The following THUMPD2 variants were observed in gnomAD, a reference collection of about 807,000 sequenced individuals.
The protein encoded by THUMPD2 is U6 snRNA (guanine-N(2))-methyltransferase THUMPD2.
A neutral mutation model predicts 49.4 loss-of-function variants in THUMPD2; 56 were observed. The observed-to-expected ratio is 1.13, with a 90% CI of 0.91 to 1.41. The LOEUF (loss-of-function observed/expected upper bound fraction) is 1.41, where lower values mean the gene tolerates loss of function less well. Ranked by LOEUF, THUMPD2 falls within the 40% of genes most tolerant of loss-of-function variation. The pLI is 0.00. For synonymous variants in THUMPD2, 237 were observed against 205.2 expected (o/e 1.15, Z -1.32); for missense variants, 709 against 594.5 (o/e 1.19, Z -2.00).
intron 1 of THUMPD2, among the ~76,000 whole-genome samples, chr2:39,776,864 C>G (rs968040517): frequency 1.3e-5 from 2 of 152,206 alleles, no homozygotes; most frequent in Admixed American, 6.5e-5. Context: ...AGCCACCCTA[C>G]TAAAAGAAAA....
chr2:39,758,611 G>A (rs1676428566), intron 6 of THUMPD2, among the ~76,000 whole-genome samples: 2 of 152,262 alleles, frequency 1.3e-5, no homozygotes, highest in East Asian at 3.9e-4. Context: ...GCTTCCTCCA[G>A]GTATCTCAGC....
chr2:39,761,940 T>C (rs1036043369), intron 5 of THUMPD2, among the ~76,000 whole-genome samples: 12 of 152,178 alleles, frequency 7.9e-5, no homozygotes, highest in African/African-American at 2.9e-4. Context: ...TCTAAAATAA[T>C]TTACTGGATG....
chr2:39,752,315 G>A (rs1241233745), intron 8 of THUMPD2, among the ~76,000 whole-genome samples: 6 of 152,128 alleles, frequency 3.9e-5, no homozygotes, highest in African/African-American at 1.4e-4. Flanking sequence ...TTTTTCTGCT[G>A]AAGGCCATAC....
Position 39,769,867 on chromosome 2 carries a change from A to G in THUMPD2, c.515T>C (p.Leu172Pro), listed in dbSNP as rs748000856. 2 of 1,606,004 alleles carry G rather than the reference A, an allele frequency of 1.2e-6. No homozygotes were observed. The highest frequency in any genetic ancestry group is 2.2e-5 in the East Asian group (1 of 44,540). ...QLEKQIKEET[L>P]EQRDFTTKSE... ...TTTAGTGGTAAAATCTCTTTGCTCC[A>G]GAGTTTCTTCTTTTATTTGTTTTTC... The change falls in exon 3 of 10, where the codon CTG (leucine) becomes CCG (proline). Residue 172 changes from leucine (L) to proline (P), a missense_variant. By Grantham distance (98) the Leu-to-Pro change is moderately conservative. Transcript: ENST00000505747.
At chr2:39,746,331 C>T (rs1674585759) in intron 8 of THUMPD2, among the ~76,000 whole-genome samples, 1 of 152,170 alleles carries the variant, frequency 6.6e-6, no homozygotes, top group South Asian at 2.1e-4. Context: ...GTCCCCATAG[C>T]AGTAGCATCA....
intron 9 of THUMPD2, among the ~76,000 whole-genome samples, chr2:39,738,839 T>C (rs951882865): frequency 6.6e-6 from 1 of 151,876 alleles, no homozygotes; most frequent in African/African-American, 2.4e-5. Context: ...GGCTGGAAAC[T>C]GAGGAAGCAG....
intron 9 of THUMPD2, among the ~76,000 whole-genome samples, chr2:39,739,719 G>C (rs1021636040): frequency 1.1e-4 from 16 of 152,208 alleles, no homozygotes; most frequent in Admixed American, 1.0e-3. Flanking sequence ...TGAGTAGGCA[G>C]AAGATAAAAA....
At chr2:39,744,659 GAT>G (rs1674333916) in intron 8 of THUMPD2, 181 bp from the exon 9 acceptor site, 1 of 437,986 alleles carries the variant, frequency 2.3e-6, no homozygotes. Context: ...AATGATAAAT[GAT>G]AGTTATTGTA....
intron 1 of THUMPD2, among the ~76,000 whole-genome samples, chr2:39,774,458 C>A (rs193181767): frequency 7.3e-4 from 111 of 152,274 alleles, no homozygotes; most frequent in Admixed American, 3.5e-3. Context: ...ATTATACATC[C>A]TTTTGCTTGA....
chr2:39,751,074 A>T (rs759286506), intron 8 of THUMPD2, among the ~76,000 whole-genome samples: 1 of 152,242 alleles, frequency 6.6e-6, no homozygotes, highest in African/African-American at 2.4e-5. Context: ...TTTTCTACAC[A>T]TATTTCATAT....
chr2:39,773,611 ATATATATATTTATATTTTAAAAAT>A (rs1678659968), intron 1 of THUMPD2, among the ~76,000 whole-genome samples: 2 of 138,178 alleles, frequency 1.4e-5, no homozygotes, highest in Admixed American at 1.4e-4. Flanking sequence ...TTTTAAAAAT[ATATATATATTTATATTTTAAAAAT>A]ATATATATTT....
rs750883034 is a variant in THUMPD2 at position 39,744,476 on chromosome 2, A to T, written c.1081T>A (p.Leu361Met). The T allele has an allele frequency of 1.3e-6, 2 of 1,550,012 alleles. No individual in the cohort carries two copies. The highest frequency in any genetic ancestry group is 1.7e-6 in the Non-Finnish European group (2 of 1,147,178). The stretch of plus-strand genomic sequence containing the variant: ...TCAACACTTTCTGAAGGCAATGGCA[A>T]TTCTGAAATATAGAAATCAGAGAAT... ...IELLKISVIE[L>M]PLPSESVDII... Residue 361 changes from leucine to methionine, a missense_variant and splice_region_variant, in exon 9 of 10, where the codon TTG becomes ATG. Leu to Met is a conservative substitution (Grantham distance 15). Coordinates refer to ENST00000505747, the MANE Select transcript of THUMPD2 (RefSeq NM_025264.5).
In THUMPD2 at chr2:39,769,917, T is replaced by A. The variant is rs61910750; in HGVS notation, c.465A>T (p.Ile155=). The A allele has an allele frequency of 1.1e-5, 17 of 1,585,804 alleles. No homozygotes were observed. The highest frequency in any genetic ancestry group is 1.4e-5 in the Non-Finnish European group (16 of 1,172,906). The change falls in exon 3 of 10, where the codon ATA becomes ATT. Residue 155 remains isoleucine (I), a synonymous_variant. Coordinates refer to ENST00000505747, the MANE Select transcript of THUMPD2 (RefSeq NM_025264.5). The part of the protein sequence containing the change: ...KKLKIEQMQK[I]EENRDCQLEK... Reference sequence around the variant, plus strand: ...CCAGCTGGCAGTCCCTATTCTCTTCTATCTTTTGCATTTGTTCTATTTTTA... The same window carrying A: ...CCAGCTGGCAGTCCCTATTCTCTTCAATCTTTTGCATTTGTTCTATTTTTA...
intron 1 of THUMPD2, among the ~76,000 whole-genome samples, chr2:39,778,620 A>G (rs532990147): frequency 2.6e-5 from 4 of 152,324 alleles, no homozygotes; most frequent in African/African-American, 4.8e-5. Flanking sequence ...CTGCAAGAGT[A>G]TATTATTTTT....
intron 6 of THUMPD2, 117 bp from the exon 7 acceptor site, chr2:39,756,077 G>T: frequency 1.1e-6 from 1 of 897,874 alleles, no homozygotes; most frequent in Non-Finnish European, 1.8e-6. Flanking sequence ...TTAAAGGGGT[G>T]GTGGCTGAAG....
intron 1 of THUMPD2, among the ~76,000 whole-genome samples, chr2:39,777,335 C>G (rs927180556): frequency 1.6e-4 from 24 of 152,290 alleles, no homozygotes; most frequent in African/African-American, 5.5e-4. Context: ...AAAGACCATA[C>G]GTACTCTACC....
chr2:39,742,547 A>G (rs534191763), intron 9 of THUMPD2, among the ~76,000 whole-genome samples: 5 of 152,336 alleles, frequency 3.3e-5, no homozygotes, highest in African/African-American at 1.2e-4. Flanking sequence ...GTGCTATAAT[A>G]TGCAGCATTA....
intron 6 of THUMPD2, chr2:39,757,277 T>C: frequency 4.1e-6 from 3 of 740,110 alleles, no homozygotes; most frequent in Admixed American, 4.7e-5. Context: ...GTGCTCGAGA[T>C]AGGGGAGAAA....
At chr2:39,773,562 T>C (rs1264010190) in intron 1 of THUMPD2, among the ~76,000 whole-genome samples, 1 of 36,226 alleles carries the variant, frequency 2.8e-5, no homozygotes, top group Non-Finnish European at 4.5e-5. Flanking sequence ...TTTAAAAATA[T>C]ATATATATTT....
Sources: allele counts gnomAD v4.1 joint callset (sites outside exome capture counted in the v4.1 genomes callset), GRCh38; gene constraint gnomAD v4.1.1; transcripts MANE v1.5; gene names NCBI Gene and HGNC (gene_info 2026-07-23, HGNC 2026-07-21).